CFAP299: variants seen among roughly 807,000 people sequenced by gnomAD.
The protein encoded by CFAP299 is cilia and flagella associated protein 299.
In CFAP299, 21 loss-of-function variants were observed where a neutral mutation model predicts 27.0. That is an observed-to-expected ratio of 0.78 (90% CI 0.55 to 1.12). The LOEUF (loss-of-function observed/expected upper bound fraction) is 1.12. Ranked by LOEUF, CFAP299 falls within the 50% of genes most tolerant of loss-of-function variation. The pLI, the probability that CFAP299 is intolerant of heterozygous loss-of-function variation, is 0.00. For synonymous variants in CFAP299, 104 were observed against 98.1 expected (o/e 1.06, Z -0.36); for missense variants, 310 against 276.6 (o/e 1.12, Z -0.86).
intron 3 of CFAP299, among the ~76,000 whole-genome samples, chr4:80,680,946 A>G (rs1407274994): frequency 6.6e-6 from 1 of 152,144 alleles, no homozygotes; most frequent in East Asian, 1.9e-4. Flanking sequence ...GTCAAGGATC[A>G]TGTTTTCAAG....
rs1349570630 is a variant in CFAP299 at position 80,825,059 on chromosome 4, CAA to C, written c.334-44932_334-44931del. ...ATGTATATAAAAATGTATATATCAA[CAA>C]AGAGATATAAACCTAAAAAGAAACC... is the stretch of plus-strand genomic sequence containing the variant. On this transcript the variant is annotated intron_variant, in intron 3 of 5. Coordinates refer to ENST00000358105, the MANE Select transcript of CFAP299 (RefSeq NM_152770.3). Among the ~76,000 whole-genome samples, 13 of 151,706 alleles carry C rather than the reference CAA, an allele frequency of 8.6e-5. No homozygotes were observed. In the East Asian group the frequency reaches 2.1e-3, roughly 25 times the overall value.
intron 2 of CFAP299, among the ~76,000 whole-genome samples, chr4:80,566,252 G>A (rs1012226385): frequency 1.3e-5 from 2 of 151,938 alleles, no homozygotes; most frequent in South Asian, 2.1e-4. Context: ...ATATACAGAG[G>A]GTATCATGCA....
chr4:80,324,139 C>T, the CFAP299 span, among the ~76,000 whole-genome samples: 1 of 152,134 alleles, frequency 6.6e-6, no homozygotes. Context: ...CTCCCCTTGC[C>T]CCCAACCCCT....
intron 2 of CFAP299, among the ~76,000 whole-genome samples, chr4:80,522,798 T>C (rs1324984029): frequency 6.6e-6 from 1 of 152,140 alleles, no homozygotes; most frequent in East Asian, 1.9e-4. Flanking sequence ...TGAAAGATCA[T>C]TTGGCCATAT....
At chr4:80,839,518 T>C in intron 3 of CFAP299, among the ~76,000 whole-genome samples, 1 of 152,138 alleles carries the variant, frequency 6.6e-6, no homozygotes, top group East Asian at 1.9e-4. Flanking sequence ...GCAGCCTAAC[T>C]TGAGGCAGGC....
chr4:80,921,310 A>G (rs1736032019), intron 4 of CFAP299, among the ~76,000 whole-genome samples: 1 of 152,120 alleles, frequency 6.6e-6, no homozygotes, highest in African/African-American at 2.4e-5. Context: ...TGGAAATGCA[A>G]TGAGATAGAT....
At chr4:80,513,299 A>G (rs961307389) in intron 2 of CFAP299, among the ~76,000 whole-genome samples, 1 of 152,152 alleles carries the variant, frequency 6.6e-6, no homozygotes, top group Non-Finnish European at 1.5e-5. Context: ...AAGTAGTGGT[A>G]AAAATTGTGT....
At chr4:80,413,631 G>A (rs1167564268) in intron 2 of CFAP299, among the ~76,000 whole-genome samples, 3 of 152,016 alleles carry the variant, frequency 2.0e-5, no homozygotes, top group African/African-American at 2.4e-5. Context: ...TTCACTTTTC[G>A]TCTGTGTCTC....
intron 2 of CFAP299, among the ~76,000 whole-genome samples, chr4:80,554,872 T>C (rs1734710829): frequency 6.6e-6 from 1 of 152,130 alleles, no homozygotes; most frequent in African/African-American, 2.4e-5. Context: ...ATTGCTGAAG[T>C]AGTTTATCAG....
At chr4:80,828,493 G>A (rs1730115591) in intron 3 of CFAP299, among the ~76,000 whole-genome samples, 1 of 152,070 alleles carries the variant, frequency 6.6e-6, no homozygotes, top group Non-Finnish European at 1.5e-5. Context: ...AATGCTGGAG[G>A]CAGGGCTTGG....
intron 3 of CFAP299, among the ~76,000 whole-genome samples, chr4:80,706,846 A>T (rs114842769): frequency 6.6e-6 from 1 of 152,058 alleles, no homozygotes; most frequent in African/African-American, 2.4e-5. Flanking sequence ...TTTAGTATAC[A>T]TAAGAATTAA....
chr4:80,945,927 G>A (rs999524887), intron 5 of CFAP299, among the ~76,000 whole-genome samples: 1 of 151,948 alleles, frequency 6.6e-6, no homozygotes, highest in Non-Finnish European at 1.5e-5. Context: ...GCAGAGGCGG[G>A]CAGATCACCT....
At chr4:80,651,704 TTGTGTGTGTGTGTGTGTGTGTGTG>T (rs34460418) in intron 3 of CFAP299, among the ~76,000 whole-genome samples, 1 of 139,552 alleles carries the variant, frequency 7.2e-6, no homozygotes, top group Non-Finnish European at 1.6e-5. Flanking sequence ...AGGTATGCAC[TTGTGTGTGTGTGTGTGTGTGTGTG>T]TGTGTGTGTG....
chr4:80,876,544 G>T (rs1429038013), intron 4 of CFAP299, among the ~76,000 whole-genome samples: 1 of 152,018 alleles, frequency 6.6e-6, no homozygotes, highest in African/African-American at 2.4e-5. Flanking sequence ...TCCCAGTCTT[G>T]GGTGTTTCCT....
At chr4:80,899,796 C>T (rs1417062402) in intron 4 of CFAP299, among the ~76,000 whole-genome samples, 2 of 152,210 alleles carry the variant, frequency 1.3e-5, no homozygotes, top group Admixed American at 1.3e-4. Flanking sequence ...ACCTGGCTTA[C>T]TCTCTCTGCC....
chr4:80,417,408 C>A (rs1182059208), intron 2 of CFAP299, among the ~76,000 whole-genome samples: 2 of 152,074 alleles, frequency 1.3e-5, no homozygotes. Flanking sequence ...CCCAGGAGGT[C>A]TCAGCCTTAT....
intron 5 of CFAP299, among the ~76,000 whole-genome samples, chr4:80,959,603 G>A (rs1031248023): frequency 6.6e-6 from 1 of 151,872 alleles, no homozygotes; most frequent in Admixed American, 6.6e-5. Context: ...AATAAGTAAG[G>A]CTGAGCATCT....
At chr4:80,524,120 A>G (rs1733054701) in intron 2 of CFAP299, among the ~76,000 whole-genome samples, 1 of 152,118 alleles carries the variant, frequency 6.6e-6, no homozygotes, top group African/African-American at 2.4e-5. Context: ...AACTTTATAT[A>G]ATACAGAAAT....
At chr4:80,600,684 T>C (rs1288167256) in intron 3 of CFAP299, among the ~76,000 whole-genome samples, 1 of 152,082 alleles carries the variant, frequency 6.6e-6, no homozygotes, top group Admixed American at 6.6e-5. Flanking sequence ...AAAAGGTCAG[T>C]TTTTTGTTGT....
Sources: allele counts gnomAD v4.1 joint callset (sites outside exome capture counted in the v4.1 genomes callset), GRCh38; gene constraint gnomAD v4.1.1; transcripts MANE v1.5; gene names NCBI Gene and HGNC (gene_info 2026-07-23, HGNC 2026-07-21).